ASAP1: variants seen among roughly 807,000 people sequenced by gnomAD.
ASAP1 encodes ArfGAP with SH3 domain, ankyrin repeat and PH domain 1, also known as arf-GAP with SH3 domain, ANK repeat and PH domain-containing protein 1.
In ASAP1, 43 loss-of-function variants were observed where a neutral mutation model predicts 145.2. That is an observed-to-expected ratio of 0.30 (90% CI 0.23 to 0.38). The LOEUF (loss-of-function observed/expected upper bound fraction) is 0.38, where lower values mean the gene tolerates loss of function less well. Among genes scored for constraint, ASAP1 ranks in the 10% least tolerant of loss-of-function variants. The pLI is 1.00. For synonymous variants in ASAP1, 546 were observed against 515.5 expected (o/e 1.06, Z -0.80); for missense variants, 1,018 against 1,355.3 (o/e 0.75, Z 3.91).
chr8:130,429,164 G>T (rs1206075205), intron 1 of ASAP1, among the ~76,000 whole-genome samples: 2 of 152,176 alleles, frequency 1.3e-5, no homozygotes, highest in Admixed American at 1.3e-4. Context: ...TTGGATCCAG[G>T]CTCGCCCTAA....
intron 1 of ASAP1, among the ~76,000 whole-genome samples, chr8:130,404,729 TC>T (rs1448513111): frequency 6.6e-6 from 1 of 152,174 alleles, no homozygotes; most frequent in Non-Finnish European, 1.5e-5. Context: ...TTGTAGTACT[TC>T]CCACTAGAGT....
chr8:130,196,286 G>T (rs897786510), intron 5 of ASAP1, among the ~76,000 whole-genome samples: 15 of 151,674 alleles, frequency 9.9e-5, no homozygotes, highest in Admixed American at 3.9e-4. Context: ...AGGATGCAGT[G>T]AGCTGAGATC....
chr8:130,088,867 G>C (rs2097499608), intron 25 of ASAP1, among the ~76,000 whole-genome samples: 2 of 152,178 alleles, frequency 1.3e-5, no homozygotes, highest in Admixed American at 1.3e-4. Flanking sequence ...ATGCAATACA[G>C]ACACTATTAC....
chr8:130,247,991 A>C (rs1032020422), intron 3 of ASAP1, among the ~76,000 whole-genome samples: 5 of 152,222 alleles, frequency 3.3e-5, no homozygotes, highest in African/African-American at 9.6e-5. Flanking sequence ...GAAAGCTTCC[A>C]GGTGCCCTTT....
Position 130,283,583 on chromosome 8 carries a change from G to GAAAAAAAAAAAAAAAA in ASAP1, c.187-46590_187-46589insTTTTTTTTTTTTTTTT, listed in dbSNP as rs745389921. ...GGTGACAGAACAAGACTCCATCACA[G>GAAAAAAAAAAAAAAAA]AAAGAAAAAAAAAAAAAAAAAAAAA... On this transcript the variant is annotated intron_variant, in intron 3 of 29. Transcript: ENST00000518721. Among the ~76,000 whole-genome samples the GAAAAAAAAAAAAAAAA allele has an allele frequency of 7.1e-5, 7 of 98,750 alleles. 1 individual carries two copies. The highest frequency in any genetic ancestry group is 2.9e-4 in the African/African-American group (7 of 23,880). 64.8% of individuals were successfully genotyped at this position (98,750 alleles called of 152,430 possible).
At position 130,123,979 on chromosome 8, in the gene ASAP1, G is replaced by C. The variant is rs1052868124; in HGVS notation, c.1607+34C>G. On this transcript the variant is annotated intron_variant, in intron 18 of 29. Transcript: ENST00000518721. ...AGGGTAGAAAAACAATTATAGAATG[G>C]TTTAAAAAAGTTCAATATATCAGAA... The C allele has an allele frequency of 1.3e-5, 20 of 1,490,222 alleles. No homozygotes were observed. In the African/African-American group the frequency reaches 1.4e-4, roughly 10 times the overall value. The allele number at this position is 1,490,222 out of a possible 1,614,324, so 92.3% of individuals were successfully genotyped here.
At chr8:130,187,392 G>T (rs1814808208) in intron 6 of ASAP1, 107 bp from the exon 7 acceptor site, 1 of 924,028 alleles carries the variant, frequency 1.1e-6, no homozygotes. Flanking sequence ...ATAGGACACT[G>T]GGAACTTCAC....
intron 3 of ASAP1, among the ~76,000 whole-genome samples, chr8:130,270,983 G>A (rs1449041995): frequency 2.0e-5 from 3 of 152,112 alleles, no homozygotes; most frequent in Non-Finnish European, 2.9e-5. Context: ...AATCCACTTG[G>A]CCAAACAAAT....
At chr8:130,120,087 T>C (rs2097563250) in intron 18 of ASAP1, among the ~76,000 whole-genome samples, 1 of 152,234 alleles carries the variant, frequency 6.6e-6, no homozygotes, top group South Asian at 2.1e-4. Flanking sequence ...CCTCTGGTCT[T>C]TTCTCAACCC....
intron 3 of ASAP1, among the ~76,000 whole-genome samples, chr8:130,313,200 T>G (rs1405559501): frequency 2.6e-5 from 4 of 151,986 alleles, no homozygotes; most frequent in African/African-American, 7.2e-5. Flanking sequence ...AATATACTGA[T>G]AAGCAAAAAT....
At chr8:130,071,000 AGGGGAGGGGGG>A (rs372195634) in intron 27 of ASAP1, among the ~76,000 whole-genome samples, 1 of 4,750 alleles carries the variant, frequency 2.1e-4, no homozygotes, top group African/African-American at 1.7e-3. Flanking sequence ...AGAGAGAGAG[AGGGGAGGGGGG>A]GAGAGAGAGA....
At chr8:130,246,482 T>C (rs990197623) in intron 3 of ASAP1, among the ~76,000 whole-genome samples, 3 of 152,082 alleles carry the variant, frequency 2.0e-5, no homozygotes, top group Non-Finnish European at 2.9e-5. Context: ...TCTGTTATCA[T>C]AATAGTGAGT....
At chr8:130,297,565 G>A (rs1028376511) in intron 3 of ASAP1, among the ~76,000 whole-genome samples, 3 of 152,146 alleles carry the variant, frequency 2.0e-5, no homozygotes, top group African/African-American at 7.2e-5. Flanking sequence ...TCCACCTGCT[G>A]GCCTGTAATC....
chr8:130,400,144 C>T (rs1476436265), intron 2 of ASAP1, among the ~76,000 whole-genome samples: 1 of 152,128 alleles, frequency 6.6e-6, no homozygotes, highest in Non-Finnish European at 1.5e-5. Context: ...TGTGTGAGAT[C>T]ACACAGCAAA....
At chr8:130,377,143 G>A (rs906198253) in intron 2 of ASAP1, among the ~76,000 whole-genome samples, 2 of 151,966 alleles carry the variant, frequency 1.3e-5, no homozygotes, top group African/African-American at 4.8e-5. Context: ...AATATCATAT[G>A]TTCTCACTCA....
chr8:130,303,986 T>C (rs1466797211), intron 3 of ASAP1, among the ~76,000 whole-genome samples: 1 of 152,194 alleles, frequency 6.6e-6, no homozygotes. Context: ...ATGTAAGATG[T>C]TATTACCTAA....
chr8:130,300,129 C>CACACACAT, intron 3 of ASAP1, among the ~76,000 whole-genome samples: 1 of 115,058 alleles, frequency 8.7e-6, no homozygotes, highest in Non-Finnish European at 1.8e-5. Context: ...CACACACACA[C>CACACACAT]ACACACACAC....
intron 15 of ASAP1, among the ~76,000 whole-genome samples, chr8:130,131,821 T>C (rs1397729302): frequency 6.6e-6 from 1 of 152,024 alleles, no homozygotes; most frequent in African/African-American, 2.4e-5. Context: ...AACTGCAAAG[T>C]GCAAAATGCG....
At chr8:130,151,495 T>A (rs2097646392) in intron 13 of ASAP1, among the ~76,000 whole-genome samples, 1 of 147,624 alleles carries the variant, frequency 6.8e-6, no homozygotes, top group Non-Finnish European at 1.5e-5. Flanking sequence ...ATTTCTGATA[T>A]CAGATGGGTA....
Sources: allele counts gnomAD v4.1 joint callset (sites outside exome capture counted in the v4.1 genomes callset), GRCh38; gene constraint gnomAD v4.1.1; transcripts MANE v1.5; gene names NCBI Gene and HGNC (gene_info 2026-07-23, HGNC 2026-07-21).